The following FN1 variants were observed in gnomAD, a reference collection of about 807,000 sequenced individuals.
FN1 encodes fibronectin 1, also known as fibronectin.
FN1 carries 106 observed loss-of-function variants against 297.3 expected under a neutral mutation model. That is an observed-to-expected ratio of 0.36 (90% confidence interval 0.30 to 0.42). The LOEUF (loss-of-function observed/expected upper bound fraction) is 0.42. Ranked by LOEUF, FN1 falls within the 10% of genes least tolerant of loss-of-function variation. The probability of loss-of-function intolerance (pLI) is 1.00; values close to 1 mark genes in which losing one functional copy is unlikely to be tolerated. For missense variants in FN1, 2,690 were observed against 3,124.9 expected (o/e 0.86, Z 3.32); for synonymous variants, 1,149 against 1,152.6 (o/e 1.00, Z 0.06).
In FN1 at chr2:215,361,951, T is replaced by A; in HGVS notation, c.7362+18A>T. 1 of 1,611,922 alleles carries A rather than the reference T, an allele frequency of 6.2e-7. No homozygotes were observed. The highest frequency in any genetic ancestry group is 8.5e-7 in the Non-Finnish European group (1 of 1,178,224). On this transcript the variant is annotated intron_variant, in intron 45 of 45. Coordinates refer to ENST00000354785, the MANE Select transcript of FN1 (RefSeq NM_212482.4). ...TGTCTAGTATGAGGGAACACACTTG[T>A]GCTGCTAATGCACTTACAGTGTTTG...
intron 25 of FN1, 142 bp from the exon 26 acceptor site, chr2:215,391,956 T>TA: frequency 1.3e-6 from 1 of 746,720 alleles, no homozygotes; most frequent in East Asian, 2.7e-5. Flanking sequence ...TAAGTCTATT[T>TA]TAAGTTATAG....
Position 215,410,101 on chromosome 2 carries a change from C to A in FN1, c.1955G>T (p.Gly652Val). ...ILRWRPKNSVGRWKEATIPGH... is the reference protein window; with the variant it reads ...ILRWRPKNSVVRWKEATIPGH... ...TGGTATGGTAGCTTCCTTCCAACGG[C>A]CTACAGAATTTTTCTGAAAATTTAA... is the stretch of plus-strand genomic sequence containing the variant. The change falls in exon 14 of 46, where the codon GGC (glycine) becomes GTC (valine). Residue 652 changes from glycine (G) to valine (V), a missense_variant. Physicochemically the swap from Gly to Val is moderately radical, Grantham distance 109. This residue lies in a region of FN1 where 876 missense variants were observed against 1,058.1 expected (regional missense o/e 0.83). Transcript: ENST00000354785. 6.2e-7 allele frequency: 1 copy of A among 1,609,556 alleles called. No individual in the cohort carries two copies. Among genetic ancestry groups the A allele is most frequent in the Non-Finnish European group, 8.5e-7 (1 of 1,178,404 alleles).
At chr2:215,419,010 G>C (rs1396714645) in intron 12 of FN1, among the ~76,000 whole-genome samples, 2 of 152,192 alleles carry the variant, frequency 1.3e-5, no homozygotes, top group Non-Finnish European at 2.9e-5. Flanking sequence ...ACAGAGTTAA[G>C]AAGTAAAATT....
At position 215,367,944 on chromosome 2, in the gene FN1, C is replaced by G; in HGVS notation, c.6937G>C (p.Glu2313Gln). The G allele has an allele frequency of 6.2e-7, 1 of 1,614,090 alleles. No individual in the cohort carries two copies. The highest frequency in any genetic ancestry group is 8.5e-7 in the Non-Finnish European group (1 of 1,179,930). ...VSHYAVGDEW[E>Q]RMSESGFKLL... ...TTAAAGCCTGATTCAGACATTCGTT[C>G]CCACTCATCTCCAACGGCATAATGG... Residue 2313 changes from glutamate (E) to glutamine (Q), a missense_variant, in exon 42 of 46, where the codon GAA (glutamate) becomes CAA (glutamine). Glu to Gln is a conservative substitution (Grantham distance 29). Transcript: ENST00000354785.
chr2:215,385,593 A>AATGAACAC (rs1207595836), intron 28 of FN1, among the ~76,000 whole-genome samples: 2 of 151,500 alleles, frequency 1.3e-5, no homozygotes, highest in African/African-American at 4.9e-5. Context: ...AAAGTAATAC[A>AATGAACAC]ATGAACACCT....
At chr2:215,382,701 CAGTT>C (rs374949157) in intron 31 of FN1, among the ~76,000 whole-genome samples, 13 of 152,308 alleles carry the variant, frequency 8.5e-5, no homozygotes, top group Admixed American at 2.6e-4. Context: ...CTGAAAAAGT[CAGTT>C]AGGCCATTTA....
chr2:215,392,678 G>A lies in FN1; in HGVS notation c.4069+253C>T, dbSNP rs116027320. 1,752 of 533,942 alleles carry A rather than the reference G, an allele frequency of 3.3e-3. 25 individuals are homozygous for A. Among genetic ancestry groups the A allele is most frequent in the African/African-American group, 0.029 (1,517 of 52,634 alleles). 33.1% of individuals were successfully genotyped at this position (533,942 alleles called of 1,614,324 possible). A position where few individuals can be genotyped will look rare whatever the true frequency, so the allele number is the denominator to read the frequency against. ...AACATTTGCTATTTTATATTTAACA[G>A]AGCAGACATCTGTATTTCTCTAGCT... On this transcript the variant is annotated intron_variant, in intron 25 of 45. Transcript: ENST00000354785.
chr2:215,401,288 AAGAGAG>A (rs34156003), intron 20 of FN1, among the ~76,000 whole-genome samples: 7,781 of 133,534 alleles, frequency 0.058, 405 homozygotes, highest in African/African-American at 0.12. Context: ...AAAGGAAGAA[AAGAGAG>A]AGAGAGAAAG....
Position 215,361,218 on chromosome 2 carries a change from A to G in FN1, c.*337T>C, listed in dbSNP as rs766963109. The G allele has an allele frequency of 2.8e-5, 8 of 290,092 alleles. No individual in the cohort carries two copies. Among genetic ancestry groups the G allele is most frequent in the Admixed American group, 4.7e-5 (1 of 21,138 alleles). The allele number at this position is 290,092 out of a possible 1,614,324, so 18.0% of individuals were successfully genotyped here. A position where few individuals can be genotyped will look rare whatever the true frequency, so the allele number is the denominator to read the frequency against. The stretch of plus-strand genomic sequence containing the variant: ...GACTTTCCTACTTAAAATTTTGGTC[A>G]TATCATTTCAAAACATTTGCATCTT... On this transcript the variant is annotated 3_prime_UTR_variant, in exon 46 of 46. Coordinates refer to ENST00000354785, the MANE Select transcript of FN1 (RefSeq NM_212482.4).
intron 3 of FN1, 73 bp from the exon 4 acceptor site, chr2:215,432,037 TG>T: frequency 1.3e-6 from 2 of 1,589,214 alleles, no homozygotes; most frequent in Non-Finnish European, 1.7e-6. Context: ...ATTCCACCCA[TG>T]GTAGGTACTT....
intron 30 of FN1, 49 bp from the exon 31 acceptor site, chr2:215,383,532 C>T: frequency 1.3e-6 from 2 of 1,573,892 alleles, no homozygotes; most frequent in Non-Finnish European, 1.7e-6. Context: ...TCCTTGGAGA[C>T]AAGATTGGAC....
At chr2:215,369,941 A>G (rs2055507262) in intron 41 of FN1, among the ~76,000 whole-genome samples, 1 of 152,168 alleles carries the variant, frequency 6.6e-6, no homozygotes, top group African/African-American at 2.4e-5. Context: ...TGAGATGGAG[A>G]GGGTCTGGGA....
intron 22 of FN1, 37 bp from the exon 23 acceptor site, chr2:215,397,260 A>G (rs1462092241): frequency 1.4e-6 from 2 of 1,451,296 alleles, no homozygotes; most frequent in Admixed American, 3.3e-5. Context: ...CAAAGCTGAC[A>G]CAAAGCTCTT....
intron 26 of FN1, 74 bp downstream of exon 26, chr2:215,391,558 C>G (rs2059705949): frequency 7.4e-7 from 1 of 1,344,554 alleles, no homozygotes; most frequent in Non-Finnish European, 1.1e-6. Flanking sequence ...TTAGCTCCTC[C>G]TACTTGAGAA....
chr2:215,413,030 G>T (rs2062902014), intron 13 of FN1, among the ~76,000 whole-genome samples: 1 of 152,014 alleles, frequency 6.6e-6, no homozygotes, highest in Admixed American at 6.6e-5. Context: ...CAGAATCAAG[G>T]TTCAATGGAA....
intron 6 of FN1, among the ~76,000 whole-genome samples, chr2:215,426,031 C>A (rs2065278979): frequency 6.6e-6 from 1 of 152,160 alleles, no homozygotes. Flanking sequence ...CATTTTATTT[C>A]TCCTCTGGAT....
intron 25 of FN1, chr2:215,392,528 G>C (rs2059822051): frequency 7.5e-6 from 2 of 266,506 alleles, no homozygotes; most frequent in Non-Finnish European, 1.5e-5. Context: ...GTTTATCAAA[G>C]GGTAGAAGGA....
At chr2:215,369,798 A>G (rs756434841) in intron 41 of FN1, among the ~76,000 whole-genome samples, 8 of 152,254 alleles carry the variant, frequency 5.3e-5, no homozygotes, top group Non-Finnish European at 1.0e-4. Flanking sequence ...CATTCTCTGC[A>G]GACAGAAATG....
intron 29 of FN1, 49 bp from the exon 30 acceptor site, chr2:215,384,233 G>T: frequency 6.5e-7 from 1 of 1,545,918 alleles, no homozygotes; most frequent in Non-Finnish European, 8.9e-7. Flanking sequence ...AGAGCTACTT[G>T]GGTATTACTG....
Sources: gnomAD v4.1 joint callset for allele counts (sites outside exome capture counted in the v4.1 genomes callset) on GRCh38, gnomAD v4.1.1 for gene constraint, gnomAD v4.1.1 regional missense constraint, MANE v1.5 for transcripts, NCBI Gene and HGNC (gene_info 2026-07-23, HGNC 2026-07-21) for gene names.